The following LRMDA variants were observed in gnomAD, a reference collection of about 807,000 sequenced individuals.
LRMDA encodes the protein leucine-rich melanocyte differentiation-associated protein.
In LRMDA, 18 loss-of-function variants were observed where a neutral mutation model predicts 29.8. The ratio of observed to expected loss-of-function variants is 0.60; its 90% CI spans 0.42 to 0.90. The LOEUF is 0.90. Ranked by LOEUF, LRMDA falls within the 40% of genes least tolerant of loss-of-function variation. The pLI is 0.00. For missense variants in LRMDA, 273 were observed against 273.9 expected, an observed-to-expected ratio of 1.00 and a Z score of 0.02; for synonymous variants, 125 against 109.4, an observed-to-expected ratio of 1.14 and a Z score of -0.89.
chr10:75,918,015 C>T (rs1203491608), intron 2 of LRMDA, among the ~76,000 whole-genome samples: 1 of 152,182 alleles, frequency 6.6e-6, no homozygotes, highest in Non-Finnish European at 1.5e-5. Flanking sequence ...CCATTCCTGA[C>T]ACCCCCAGAG....
At chr10:76,074,656 C>G (rs1332157885) in intron 5 of LRMDA, among the ~76,000 whole-genome samples, 1 of 152,152 alleles carries the variant, frequency 6.6e-6, no homozygotes, top group Non-Finnish European at 1.5e-5. Flanking sequence ...GCCTGGAACC[C>G]CAAGAAGGGA....
chr10:76,220,843 C>G (rs969849466), intron 5 of LRMDA, among the ~76,000 whole-genome samples: 10 of 152,288 alleles, frequency 6.6e-5, no homozygotes, highest in African/African-American at 2.4e-4. Flanking sequence ...GACCAATATC[C>G]TTGATGAACA....
rs528894936 is a variant in LRMDA at position 75,762,984 on chromosome 10, TC to T, written c.132-273021del. ...TCTTCCTACCAAGAAAGAAAGGGAC[TC>T]CCTGGGGGACTTGAGACCTATTTTA... On this transcript the variant is annotated intron_variant, in intron 2 of 6. Transcript: ENST00000611255. 1.4e-4 allele frequency among the ~76,000 whole-genome samples: 21 copies of T among 152,264 alleles called. No individual in the cohort carries two copies. In the South Asian group the frequency reaches 4.4e-3, roughly 32 times the overall value.
At chr10:75,449,151 CAAAAAA>C (rs779723533) in intron 2 of LRMDA, among the ~76,000 whole-genome samples, 1 of 50,286 alleles carries the variant, frequency 2.0e-5, no homozygotes, top group East Asian at 6.3e-4. Flanking sequence ...GACTCCATCT[CAAAAAA>C]AAAAAAAAAA....
intron 5 of LRMDA, among the ~76,000 whole-genome samples, chr10:76,299,477 C>T (rs949155990): frequency 1.3e-5 from 2 of 152,184 alleles, no homozygotes; most frequent in African/African-American, 4.8e-5. Context: ...GAAGTTCATA[C>T]AGAAGCTAAA....
chr10:75,489,078 C>T (rs1344536049), intron 2 of LRMDA, among the ~76,000 whole-genome samples: 1 of 152,060 alleles, frequency 6.6e-6, no homozygotes, highest in Admixed American at 6.6e-5. Context: ...CATGTAATGC[C>T]TACTTGTTAT....
At chr10:76,455,899 C>T (rs527331616) in intron 6 of LRMDA, among the ~76,000 whole-genome samples, 2 of 152,238 alleles carry the variant, frequency 1.3e-5, no homozygotes, top group East Asian at 1.9e-4. Context: ...GTGGCAGAGT[C>T]GGGTAGTAAG....
At chr10:75,849,138 C>T (rs903960395) in intron 2 of LRMDA, among the ~76,000 whole-genome samples, 3 of 152,160 alleles carry the variant, frequency 2.0e-5, no homozygotes, top group Admixed American at 6.5e-5. Context: ...TGGTGACCCT[C>T]GTCCCAGTGT....
chr10:76,280,908 A>T (rs1840195359), intron 5 of LRMDA, among the ~76,000 whole-genome samples: 1 of 152,180 alleles, frequency 6.6e-6, no homozygotes, highest in South Asian at 2.1e-4. Flanking sequence ...GGGCACAAGC[A>T]ACCATTGTAG....
intron 6 of LRMDA, among the ~76,000 whole-genome samples, chr10:76,407,517 G>A (rs1841915048): frequency 2.6e-5 from 4 of 152,268 alleles, no homozygotes; most frequent in Admixed American, 1.3e-4. Context: ...TCAACCTTGA[G>A]ATTTGATGAA....
chr10:75,936,054 A>G (rs916515273), intron 2 of LRMDA, among the ~76,000 whole-genome samples: 2 of 152,040 alleles, frequency 1.3e-5, no homozygotes, highest in African/African-American at 4.8e-5. Context: ...AGAGGCAGTG[A>G]GCTCTAGGTT....
At chr10:76,177,431 T>C (rs866975203) in intron 5 of LRMDA, among the ~76,000 whole-genome samples, 53 of 152,284 alleles carry the variant, frequency 3.5e-4, no homozygotes, top group Admixed American at 1.3e-3. Context: ...AACCTCTTCA[T>C]TATAGATTAC....
chr10:75,971,275 C>T (rs959326604), intron 2 of LRMDA, among the ~76,000 whole-genome samples: 2 of 152,156 alleles, frequency 1.3e-5, no homozygotes, highest in South Asian at 2.1e-4. Context: ...TATAGACAGC[C>T]TCCCCGTCTG....
At chr10:76,291,912 GCA>G (rs72580570) in intron 5 of LRMDA, among the ~76,000 whole-genome samples, 22,135 of 134,698 alleles carry the variant, frequency 0.16, 1,861 homozygotes, top group East Asian at 0.4. Context: ...ACCCACACGT[GCA>G]CACACACACA....
intron 6 of LRMDA, among the ~76,000 whole-genome samples, chr10:76,406,701 T>G (rs1841905453): frequency 6.6e-6 from 1 of 152,162 alleles, no homozygotes; most frequent in South Asian, 2.1e-4. Context: ...TGTCCTTTCA[T>G]TCATCATGAC....
chr10:76,149,070 A>G (rs557348945), intron 5 of LRMDA, among the ~76,000 whole-genome samples: 4 of 152,256 alleles, frequency 2.6e-5, no homozygotes, highest in South Asian at 4.1e-4. Context: ...TTATTGTCCA[A>G]TTTATTATTT....
chr10:75,706,842 G>T (rs575236984), intron 2 of LRMDA, among the ~76,000 whole-genome samples: 2 of 150,352 alleles, frequency 1.3e-5, no homozygotes, highest in East Asian at 2.0e-4. Context: ...ACCCTGCCAT[G>T]CACCCTTTGT....
At chr10:76,228,656 G>A (rs1316755254) in intron 5 of LRMDA, among the ~76,000 whole-genome samples, 2 of 152,160 alleles carry the variant, frequency 1.3e-5, no homozygotes, top group Non-Finnish European at 2.9e-5. Flanking sequence ...TCCAGGTGGA[G>A]CCATGGGTGT....
intron 2 of LRMDA, among the ~76,000 whole-genome samples, chr10:75,704,269 C>T (rs1408445232): frequency 1.3e-5 from 2 of 152,104 alleles, no homozygotes; most frequent in African/African-American, 4.8e-5. Flanking sequence ...TTTCAGCTTT[C>T]TTGTATTGTT....
Sources: allele counts gnomAD v4.1 joint callset (sites outside exome capture counted in the v4.1 genomes callset), GRCh38; gene constraint gnomAD v4.1.1; transcripts MANE v1.5; gene names NCBI Gene and HGNC (gene_info 2026-07-23, HGNC 2026-07-21).